Variants in NUP155 observed in about 807,000 individuals in gnomAD.
NUP155 encodes nucleoporin 155.
NUP155 carries 71 observed loss-of-function variants against 180.4 expected under a neutral mutation model. That is an observed-to-expected ratio of 0.39 (90% confidence interval 0.33 to 0.48). NUP155 has a LOEUF of 0.48. NUP155 is among the 20% of genes least tolerant of loss of function. The probability of loss-of-function intolerance (pLI) is 0.91; values close to 1 mark genes in which losing one functional copy is unlikely to be tolerated. For missense variants in NUP155, 1,553 were observed against 1,648.9 expected (o/e 0.94, Z 1.01); for synonymous variants, 582 against 559.5 (o/e 1.04, Z -0.57).
rs547747247 is a variant in NUP155 at position 37,371,095 on chromosome 5, T to C, written c.-118A>G. 529 of 1,006,318 alleles carry C rather than the reference T, an allele frequency of 5.3e-4. 5 individuals are homozygous for C. In the African/African-American group the frequency reaches 7.8e-3, roughly 15 times the overall value. 62.3% of individuals were successfully genotyped at this position (1,006,318 alleles called of 1,614,324 possible). The stretch of plus-strand genomic sequence containing the variant: ...GGGCGCGCGCGCCAAACGAGCGCCT[T>C]GGCGCCTCGACATGACGCACTTCCG... On this transcript the variant is annotated 5_prime_UTR_variant, in exon 1 of 35. Transcript: ENST00000231498.
At chr5:37,367,479 T>C (rs969831570) in intron 1 of NUP155, among the ~76,000 whole-genome samples, 20 of 151,922 alleles carry the variant, frequency 1.3e-4, no homozygotes, top group Non-Finnish European at 2.4e-4. Flanking sequence ...CCTCCCAAAT[T>C]GCTGAGATTA....
At chr5:37,359,893 G>C (rs1347059870) in intron 3 of NUP155, among the ~76,000 whole-genome samples, 1 of 152,094 alleles carries the variant, frequency 6.6e-6, no homozygotes, top group Admixed American at 6.6e-5. Flanking sequence ...TGAGACGTGT[G>C]GATCACTTGA....
Position 37,371,066 on chromosome 5 carries a change from C to A in NUP155, c.-89G>T, listed in dbSNP as rs1402758653. The A allele has an allele frequency of 4.2e-6, 6 of 1,427,350 alleles. No individual in the cohort carries two copies. The highest frequency in any genetic ancestry group is 5.8e-6 in the Non-Finnish European group (6 of 1,035,648). 88.4% of individuals were successfully genotyped at this position (1,427,350 alleles called of 1,614,324 possible). A position where few individuals can be genotyped will look rare whatever the true frequency, so the allele number is the denominator to read the frequency against. On this transcript the variant is annotated 5_prime_UTR_variant, in exon 1 of 35. Transcript: ENST00000231498. ...CCAAGAAGTTAGCTTAGATCCGCCG[C>A]CTAGGGCGCGCGCGCCAAACGAGCG...
At chr5:37,331,014 T>TG (rs530295356) in intron 14 of NUP155, among the ~76,000 whole-genome samples, 86 of 151,008 alleles carry the variant, frequency 5.7e-4, no homozygotes, top group African/African-American at 1.7e-3. Context: ...CCAGGCGTGG[T>TG]GGGGGGGTCC....
At position 37,288,725 on chromosome 5, in the gene NUP155, A is replaced by C. The variant is rs1479545790; in HGVS notation, c.*3175T>G. On this transcript the variant is annotated 3_prime_UTR_variant, in exon 35 of 35. Transcript: ENST00000231498. ...AGAGCAGTCTGGGCAACAGAGTGAGATCTTTTGGCTACACAAAAAATTAAA... is the reference window on the plus strand; with the variant it reads ...AGAGCAGTCTGGGCAACAGAGTGAGCTCTTTTGGCTACACAAAAAATTAAA... The C allele has an allele frequency of 3.6e-5, 5 of 140,044 alleles. No individual in the cohort carries two copies. The highest frequency in any genetic ancestry group is 7.6e-5 in the Non-Finnish European group (5 of 65,524). The allele number at this position is 140,044 out of a possible 1,614,324, so 8.7% of individuals were successfully genotyped here.
chr5:37,323,755 G>C (rs1744402830), intron 20 of NUP155, among the ~76,000 whole-genome samples: 1 of 151,656 alleles, frequency 6.6e-6, no homozygotes, highest in Non-Finnish European at 1.5e-5. Context: ...GTGGTTGCCA[G>C]GGACTGGGGG....
At chr5:37,346,199 G>A (rs1746072312) in intron 9 of NUP155, among the ~76,000 whole-genome samples, 1 of 151,726 alleles carries the variant, frequency 6.6e-6, no homozygotes. Context: ...GATCACGTCA[G>A]CCCAGGAAAT....
intron 21 of NUP155, among the ~76,000 whole-genome samples, chr5:37,315,622 C>T (rs1478202001): frequency 2.0e-5 from 3 of 149,754 alleles, no homozygotes; most frequent in Non-Finnish European, 2.9e-5. Flanking sequence ...AAATTGGAAC[C>T]CTTGTGCATT....
rs145975462 is a variant in NUP155 at position 37,310,584 on chromosome 5, G to C, written c.2596C>G (p.Leu866Val). Residue 866 changes from leucine (L) to valine (V), a missense_variant, in exon 23 of 35, where the codon CTA becomes GTA. By Grantham distance (32) the Leu-to-Val change is conservative. Coordinates refer to ENST00000231498, the MANE Select transcript of NUP155 (RefSeq NM_153485.3). ...CAAATTGCATCATCAGTGCTATATA[G>C]AAGTGGGCAGATATCCTGTAAATGT... ...SLHLQDICPL[L>V]YSTDDAICSK... The C allele has an allele frequency of 8.8e-5, 142 of 1,613,306 alleles. No homozygotes were observed. The highest frequency in any genetic ancestry group is 1.2e-4 in the Non-Finnish European group (136 of 1,179,620).
chr5:37,299,753 G>A (rs1337171137), intron 30 of NUP155, among the ~76,000 whole-genome samples, 185 bp from the exon 31 acceptor site: 1 of 152,030 alleles, frequency 6.6e-6, no homozygotes, highest in Non-Finnish European at 1.5e-5. Context: ...TAAGGGTATG[G>A]GCCGGGTACG....
intron 4 of NUP155, among the ~76,000 whole-genome samples, chr5:37,354,100 T>C (rs572068464): frequency 7.2e-5 from 11 of 152,106 alleles, no homozygotes; most frequent in Admixed American, 6.5e-4. Flanking sequence ...GCAATATTTA[T>C]ACACTTAATG....
intron 33 of NUP155, among the ~76,000 whole-genome samples, chr5:37,294,026 A>AAAAAAAAAAAAAAAAAAAAAAT: frequency 1.3e-5 from 1 of 76,068 alleles, no homozygotes; most frequent in Non-Finnish European, 2.1e-5. Context: ...AAAAAAAAAA[A>AAAAAAAAAAAAAAAAAAAAAAT]AATAAAGCAA....
Position 37,305,111 on chromosome 5 carries a change from A to G in NUP155, c.3003T>C (p.Pro1001=), listed in dbSNP as rs1561770560. The G allele has an allele frequency of 6.2e-7, 1 of 1,614,008 alleles. No homozygotes were observed. The highest frequency in any genetic ancestry group is 1.7e-5 in the Admixed American group (1 of 60,014). Residue 1001 remains proline, a synonymous_variant, in exon 26 of 35, where the codon CCT becomes CCC. Transcript: ENST00000231498. The part of the protein sequence containing the change: ...QSPSVPKKPG[P]PVLSSDPNML... Reference sequence around the variant, plus strand: ...TATTTGGATCAGATGACAACACTGGAGGACCAGGTTTTTTGGGTACACTGG... The same window carrying G: ...TATTTGGATCAGATGACAACACTGGGGGACCAGGTTTTTTGGGTACACTGG...
rs545353328 is a variant in NUP155, at chr5:37,296,545, G to A, written c.3794-2080C>T. On this transcript the variant is annotated intron_variant, in intron 32 of 34. Transcript: ENST00000231498. ...ATCTCAAGTACCCAGGGACACAAACGCTGCGGAAGGCAGCCGCAGGGTCCT... is the reference window on the plus strand; with the variant it reads ...ATCTCAAGTACCCAGGGACACAAACACTGCGGAAGGCAGCCGCAGGGTCCT... Among the ~76,000 whole-genome samples, 226 of 147,276 alleles carry A rather than the reference G, an allele frequency of 1.5e-3. 2 individuals are homozygous for A. The highest frequency in any genetic ancestry group is 1.8e-3 in the Non-Finnish European group (122 of 66,178).
At chr5:37,357,808 C>G (rs1746939258) in intron 4 of NUP155, among the ~76,000 whole-genome samples, 1 of 152,168 alleles carries the variant, frequency 6.6e-6, no homozygotes, top group African/African-American at 2.4e-5. Flanking sequence ...GCCTGGCCAA[C>G]ATGGCGGAGC....
chr5:37,340,750 T>C (rs1004292138), intron 11 of NUP155, among the ~76,000 whole-genome samples: 4 of 152,164 alleles, frequency 2.6e-5, no homozygotes, highest in Admixed American at 2.6e-4. Context: ...ACAAAACAGA[T>C]CAAAAACCTA....
At chr5:37,370,637 C>A in intron 1 of NUP155, 184 bp downstream of exon 1, 1 of 1,540,082 alleles carries the variant, frequency 6.5e-7, no homozygotes. Context: ...CAAGTATCTA[C>A]AATGAAGAAA....
intron 12 of NUP155, among the ~76,000 whole-genome samples, chr5:37,335,010 T>C (rs571416531): frequency 6.6e-6 from 1 of 151,952 alleles, no homozygotes; most frequent in Non-Finnish European, 1.5e-5. Flanking sequence ...ATAGAAAAAT[T>C]AGCCGGGTGT....
chr5:37,296,537 A>T (rs1170753901), intron 32 of NUP155, among the ~76,000 whole-genome samples: 2 of 149,776 alleles, frequency 1.3e-5, no homozygotes, highest in African/African-American at 4.9e-5. Context: ...GTACCCAGGG[A>T]CACAAACGCT....
Sources: gnomAD v4.1 joint callset for allele counts (sites outside exome capture counted in the v4.1 genomes callset) on GRCh38, gnomAD v4.1.1 for gene constraint, MANE v1.5 for transcripts, NCBI Gene and HGNC (gene_info 2026-07-23, HGNC 2026-07-21) for gene names.